RELT: variants seen among roughly 807,000 people sequenced by gnomAD.
RELT encodes the protein RELT TNF receptor, also known as tumor necrosis factor receptor superfamily member 19L.
Under a neutral mutation model 51.1 loss-of-function variants are expected in RELT, and 37 were observed. That is an observed-to-expected ratio of 0.72 (90% CI 0.56 to 0.95). The LOEUF (loss-of-function observed/expected upper bound fraction) is 0.95, where lower values mean the gene tolerates loss of function less well. Ranked by LOEUF, RELT falls within the 40% of genes least tolerant of loss-of-function variation. RELT has a pLI of 0.00. For synonymous variants in RELT, 241 were observed against 235.7 expected, an observed-to-expected ratio of 1.02 and a Z score of -0.21; for missense variants, 535 against 572.6, an observed-to-expected ratio of 0.93 and a Z score of 0.67.
At chr11:73,393,802 C>T in intron 6 of RELT, 35 bp from the exon 7 acceptor site, 2 of 1,608,060 alleles carry the variant, frequency 1.2e-6, no homozygotes, top group South Asian at 2.2e-5. Flanking sequence ...CGGCTTCCCC[C>T]TCTTCCCCAG....
rs1866333502 is a variant in RELT, at chr11:73,397,239, C to T, written c.*1748C>T. Reference sequence around the variant, plus strand: ...AGCATGTGCAAAGGCTGAGCACCAACACATAGTGGTCACCTGGGCCTTATG... The same window carrying T: ...AGCATGTGCAAAGGCTGAGCACCAATACATAGTGGTCACCTGGGCCTTATG... On this transcript the variant is annotated 3_prime_UTR_variant, in exon 11 of 11. Coordinates refer to ENST00000064780, the MANE Select transcript of RELT (RefSeq NM_152222.2). The T allele has an allele frequency of 6.6e-6, 1 of 152,222 alleles. No individual in the cohort carries two copies. The highest frequency in any genetic ancestry group is 2.1e-4 in the South Asian group (1 of 4,832). The allele number at this position is 152,222 out of a possible 1,614,324, so 9.4% of individuals were successfully genotyped here. A position where few individuals can be genotyped will look rare whatever the true frequency, so the allele number is the denominator to read the frequency against.
intron 2 of RELT, 94 bp downstream of exon 2, chr11:73,389,275 C>T: frequency 1.1e-6 from 1 of 872,172 alleles, no homozygotes; most frequent in Non-Finnish European, 1.7e-6. Context: ...GGGGAACCCC[C>T]TGCTGGGCAG....
At chr11:73,389,220 A>G in intron 2 of RELT, 39 bp downstream of exon 2, 1 of 1,446,144 alleles carries the variant, frequency 6.9e-7, no homozygotes. Flanking sequence ...GAAAAGCCGC[A>G]CCCTCAGCCC....
intron 7 of RELT, 64 bp downstream of exon 7, chr11:73,393,981 G>A: frequency 6.6e-7 from 1 of 1,504,006 alleles, no homozygotes; most frequent in Non-Finnish European, 9.2e-7. Context: ...AGGAGCCTGT[G>A]AGGCAGCCGC....
In RELT at chr11:73,388,970, G is replaced by C; in HGVS notation, c.-25-142G>C. 1.6e-6 allele frequency: 1 copy of C among 624,052 alleles called. No individual in the cohort carries two copies. Among genetic ancestry groups the C allele is most frequent in the South Asian group, 1.8e-5 (1 of 55,142 alleles). The allele number at this position is 624,052 out of a possible 1,614,324, so 38.7% of individuals were successfully genotyped here. A position where few individuals can be genotyped will look rare whatever the true frequency, so the allele number is the denominator to read the frequency against. ...TTGGGCCTGTGCTTGCGGGTGTGGA[G>C]CCGGCCTCCCCGGGCTCTGCCTGCC... On this transcript the variant is annotated intron_variant, in intron 1 of 10. Coordinates refer to ENST00000064780, the MANE Select transcript of RELT (RefSeq NM_152222.2). The surrounding 1 kb of genome is among the most constrained non-coding windows in gnomAD (Gnocchi z 4.1).
chr11:73,395,449 C>A lies in RELT; in HGVS notation c.1251C>A (p.Asn417Lys), dbSNP rs1866302847. Residue 417 changes from asparagine to lysine, a missense_variant, in exon 11 of 11, where the codon AAC becomes AAA. Asn to Lys is a moderately conservative substitution (Grantham distance 94). Transcript: ENST00000064780. The stretch of plus-strand genomic sequence containing the variant: ...CCCTCACCCCTGCCCACCAGGAGAA[C>A]CGCTATGTGGTCCGGCTAAGTGAGA... ...KPPAENKAEENRYVVRLSESN... is the reference protein window; with the variant it reads ...KPPAENKAEEKRYVVRLSESN... The A allele has an allele frequency of 2.3e-6, 2 of 852,496 alleles. No homozygotes were observed. Among genetic ancestry groups the A allele is most frequent in the Non-Finnish European group, 4.1e-6 (2 of 483,598 alleles). The allele number at this position is 852,496 out of a possible 1,614,324, so 52.8% of individuals were successfully genotyped here. A position where few individuals can be genotyped will look rare whatever the true frequency, so the allele number is the denominator to read the frequency against.
intron 9 of RELT, 67 bp from the exon 10 acceptor site, chr11:73,395,020 C>G: frequency 5.8e-6 from 8 of 1,373,922 alleles, no homozygotes; most frequent in Non-Finnish European, 8.2e-6. Context: ...TGACCCCGGG[C>G]ACGTGCTGCC....
chr11:73,393,001 C>T (rs75886732), intron 6 of RELT: 45,623 of 1,004,646 alleles, frequency 0.045, 1,124 homozygotes, highest in Middle Eastern at 0.071. Flanking sequence ...CCCTTTCCTT[C>T]TTCCCCACAC....
chr11:73,394,353 C>T lies in RELT; in HGVS notation c.788+36C>T, dbSNP rs1401468479. 6.2e-7 allele frequency: 1 copy of T among 1,611,120 alleles called. No individual in the cohort carries two copies. Among genetic ancestry groups the T allele is most frequent in the Non-Finnish European group, 8.5e-7 (1 of 1,178,108 alleles). ...TGGTGGGAGATAACGGGGCCAAAACCTACATTAACCAGCCTGCCTCCTGGG... is the reference window on the plus strand; with the variant it reads ...TGGTGGGAGATAACGGGGCCAAAACTTACATTAACCAGCCTGCCTCCTGGG... On this transcript the variant is annotated intron_variant, in intron 8 of 10. Coordinates refer to ENST00000064780, the MANE Select transcript of RELT (RefSeq NM_152222.2). This position sits in a 1 kb window ranked among gnomAD's most constrained non-coding sequence, Gnocchi z 4.9.
In RELT at chr11:73,395,210, T is replaced by G. The variant is rs770075958; in HGVS notation, c.1170T>G (p.Pro390=). 14 of 1,612,998 alleles carry G rather than the reference T, an allele frequency of 8.7e-6. No homozygotes were observed. The highest frequency in any genetic ancestry group is 1.3e-5 in the African/African-American group (1 of 74,912). Residue 390 remains proline (P), a synonymous_variant, in exon 10 of 11, where the codon CCT becomes CCG. Coordinates refer to ENST00000064780, the MANE Select transcript of RELT (RefSeq NM_152222.2). ...LPDSPQPGLP[P]EQQALLGSGG... is the part of the protein sequence containing the mutation. ...ACTCCCCACAGCCTGGCCTCCCCCC[T>G]GAGCAGCAGGCCCTGCTAGGAAGTG... is the stretch of plus-strand genomic sequence containing the variant.
rs762615923 is a variant in RELT at position 73,395,176 on chromosome 11, A to G, written c.1136A>G (p.Asp379Gly). ...TITEAGPSWG[D>G]LPDSPQPGLP... ...ACGGAGGCTGGGCCCTCGTGGGGTG[A>G]TCTCCCTGACTCCCCACAGCCTGGC... The change falls in exon 10 of 11, where the codon GAT becomes GGT. Residue 379 changes from aspartate to glycine, a missense_variant. Transcript: ENST00000064780. The G allele has an allele frequency of 1.2e-6, 2 of 1,613,120 alleles. No individual in the cohort carries two copies. Among genetic ancestry groups the G allele is most frequent in the East Asian group, 4.5e-5 (2 of 44,890 alleles).
intron 1 of RELT, among the ~76,000 whole-genome samples, chr11:73,379,951 G>T (rs1397364638): frequency 1.3e-5 from 2 of 152,202 alleles, no homozygotes; most frequent in African/African-American, 2.4e-5. Flanking sequence ...CCTTGCCTTT[G>T]CTTTTAAAGC....
In RELT at chr11:73,388,976, C is replaced by T. The variant is rs942362663; in HGVS notation, c.-25-136C>T. The T allele has an allele frequency of 1.6e-6, 1 of 627,344 alleles. No individual in the cohort carries two copies. The allele number at this position is 627,344 out of a possible 1,614,324, so 38.9% of individuals were successfully genotyped here. On this transcript the variant is annotated intron_variant, in intron 1 of 10. Transcript: ENST00000064780. The surrounding 1 kb of genome is among the most constrained non-coding windows in gnomAD (Gnocchi z 4.1). Reference sequence around the variant, plus strand: ...CTGTGCTTGCGGGTGTGGAGCCGGCCTCCCCGGGCTCTGCCTGCCCAGCAG... The same window carrying T: ...CTGTGCTTGCGGGTGTGGAGCCGGCTTCCCCGGGCTCTGCCTGCCCAGCAG...
Position 73,388,987 on chromosome 11 carries a change from C to T in RELT, c.-25-125C>T. 3 of 647,502 alleles carry T rather than the reference C, an allele frequency of 4.6e-6. No homozygotes were observed. Among genetic ancestry groups the T allele is most frequent in the South Asian group, 1.7e-5 (1 of 57,946 alleles). 40.1% of individuals were successfully genotyped at this position (647,502 alleles called of 1,614,324 possible). On this transcript the variant is annotated intron_variant, in intron 1 of 10. Coordinates refer to ENST00000064780, the MANE Select transcript of RELT (RefSeq NM_152222.2). The surrounding 1 kb of genome is among the most constrained non-coding windows in gnomAD (Gnocchi z 4.1). ...GGTGTGGAGCCGGCCTCCCCGGGCT[C>T]TGCCTGCCCAGCAGCACCTTGCCTG...
At chr11:73,382,750 C>G (rs1866068839) in intron 1 of RELT, among the ~76,000 whole-genome samples, 1 of 152,156 alleles carries the variant, frequency 6.6e-6, no homozygotes, top group Admixed American at 6.5e-5. Flanking sequence ...TGAGACCCAG[C>G]TTAGAGTGGG....
chr11:73,394,720 C>G lies in RELT; in HGVS notation c.1032C>G (p.Ile344Met). 1 of 1,609,908 alleles carries G rather than the reference C, an allele frequency of 6.2e-7. No individual in the cohort carries two copies. Among genetic ancestry groups the G allele is most frequent in the Non-Finnish European group, 8.5e-7 (1 of 1,179,796 alleles). Residue 344 changes from isoleucine to methionine, a missense_variant, in exon 9 of 11, where the codon ATC becomes ATG. By Grantham distance (10) the Ile-to-Met change is conservative. Transcript: ENST00000064780. This position sits in a 1 kb window ranked among gnomAD's most constrained non-coding sequence, Gnocchi z 4.9. ...AKAGRQGEIT[I>M]LSVGRFRVAR... ...CAGGGCGTCAGGGCGAGATCACCAT[C>G]TTGTCTGTGGGCAGGTGAGATGGGC...
chr11:73,377,681 A>C (rs1319150762), intron 1 of RELT, among the ~76,000 whole-genome samples: 18 of 145,132 alleles, frequency 1.2e-4, no homozygotes, highest in Admixed American at 3.4e-4. Context: ...TTGTTCTCAG[A>C]CCCCCCCGCC....
Position 73,395,556 on chromosome 11 carries a change from G to A in RELT, c.*65G>A, listed in dbSNP as rs1866305769. ...GAGGTTCCGAAGGCTTCCTGGAGGA[G>A]GTGGAGCTGCAGCTGGGACTGTGAG... On this transcript the variant is annotated 3_prime_UTR_variant, in exon 11 of 11. Transcript: ENST00000064780. 4 of 779,564 alleles carry A rather than the reference G, an allele frequency of 5.1e-6. No individual in the cohort carries two copies. Among genetic ancestry groups the A allele is most frequent in the Admixed American group, 5.1e-5 (3 of 58,962 alleles). 48.3% of individuals were successfully genotyped at this position (779,564 alleles called of 1,614,324 possible). A position where few individuals can be genotyped will look rare whatever the true frequency, so the allele number is the denominator to read the frequency against.
intron 1 of RELT, chr11:73,384,235 G>C (rs1866089777): frequency 1.3e-5 from 2 of 152,370 alleles, no homozygotes; most frequent in South Asian, 4.1e-4. Flanking sequence ...CTAGGGGGAA[G>C]TGCAGGCTTT....
Sources: allele counts gnomAD v4.1 joint callset (sites outside exome capture counted in the v4.1 genomes callset), GRCh38; gene constraint gnomAD v4.1.1; non-coding constraint Gnocchi (gnomAD v3.1); transcripts MANE v1.5; gene names NCBI Gene and HGNC (gene_info 2026-07-23, HGNC 2026-07-21).